The following EFTUD2 variants were observed in gnomAD, a reference collection of about 807,000 sequenced individuals.
The protein encoded by EFTUD2 is 116 kDa U5 small nuclear ribonucleoprotein component.
In EFTUD2, 9 loss-of-function variants were observed where a neutral mutation model predicts 114.3. The ratio of observed to expected loss-of-function variants is 0.08; its 90% confidence interval spans 0.05 to 0.14. The LOEUF is 0.14. EFTUD2 is among the 10% of genes least tolerant of loss of function. The pLI, the probability that EFTUD2 is intolerant of heterozygous loss-of-function variation, is 1.00. For synonymous variants in EFTUD2, 449 were observed against 462.3 expected, an observed-to-expected ratio of 0.97 and a Z score of 0.37; for missense variants, 765 against 1,241.2, an observed-to-expected ratio of 0.62 and a Z score of 5.76.
intron 16 of EFTUD2, among the ~76,000 whole-genome samples, chr17:44,861,576 C>A (rs1597796757): frequency 6.6e-6 from 1 of 151,134 alleles, no homozygotes; most frequent in South Asian, 2.1e-4. Context: ...ACTAAAAATA[C>A]AAAAAAATTA....
In EFTUD2 at chr17:44,854,141, T is replaced by C; in HGVS notation, c.2347+128A>G. 1 of 1,403,308 alleles carries C rather than the reference T, an allele frequency of 7.1e-7. No homozygotes were observed. The highest frequency in any genetic ancestry group is 9.5e-7 in the Non-Finnish European group (1 of 1,048,338). 86.9% of individuals were successfully genotyped at this position (1,403,308 alleles called of 1,614,324 possible). ...AAAAGGGAAGAAGCTGGCCCAGGAC[T>C]TGGGATGGTCCTGTGTACCCCAAGC... On this transcript the variant is annotated intron_variant, in intron 23 of 27. Coordinates refer to ENST00000426333, the MANE Select transcript of EFTUD2 (RefSeq NM_004247.4). This position sits in a 1 kb window ranked among gnomAD's most constrained non-coding sequence, Gnocchi z 4.3.
intron 20 of EFTUD2, among the ~76,000 whole-genome samples, chr17:44,856,832 G>T (rs977355911): frequency 6.6e-6 from 1 of 151,906 alleles, no homozygotes. Flanking sequence ...ATTTTATAGA[G>T]ACAAAGTGGC....
At chr17:44,890,548 C>T (rs950762350) in intron 2 of EFTUD2, among the ~76,000 whole-genome samples, 4 of 151,782 alleles carry the variant, frequency 2.6e-5, no homozygotes, top group East Asian at 3.9e-4. Flanking sequence ...CAAAACTAGC[C>T]GGGCGTGGAC....
chr17:44,872,873 G>A (rs1453051834), intron 10 of EFTUD2: 1 of 171,038 alleles, frequency 5.8e-6, no homozygotes, highest in East Asian at 1.7e-4. Context: ...TAGAACACAG[G>A]AAATGAATCT....
chr17:44,895,118 C>T (rs2051354186), intron 1 of EFTUD2, among the ~76,000 whole-genome samples: 1 of 148,942 alleles, frequency 6.7e-6, no homozygotes, highest in Non-Finnish European at 1.5e-5. Context: ...TTGTAAATTG[C>T]CAGGGAAAAA....
At chr17:44,859,274 C>A in intron 18 of EFTUD2, 93 bp from the exon 19 acceptor site, 1 of 866,586 alleles carries the variant, frequency 1.2e-6, no homozygotes. Context: ...AAGAAGTTGC[C>A]TATCAGAAAC....
In EFTUD2 at chr17:44,854,860, A is replaced by G; in HGVS notation, c.2132+58T>C. 1 of 1,583,448 alleles carries G rather than the reference A, an allele frequency of 6.3e-7. No homozygotes were observed. On this transcript the variant is annotated intron_variant, in intron 21 of 27. Transcript: ENST00000426333. This position sits in a 1 kb window ranked among gnomAD's most constrained non-coding sequence, Gnocchi z 4.3. ...AGATGTGTGCTCTTAGAGACCCGGC[A>G]GTTAAACTGTGGCATCCCTGCCTCC...
intron 9 of EFTUD2, among the ~76,000 whole-genome samples, chr17:44,876,817 CA>C (rs2050960362): frequency 7.1e-6 from 1 of 140,562 alleles, no homozygotes; most frequent in South Asian, 2.3e-4. Flanking sequence ...CGCACCACTG[CA>C]CTCCAGCCTG....
At chr17:44,884,414 G>A (rs2051127569) in intron 4 of EFTUD2, 1 of 152,182 alleles carries the variant, frequency 6.6e-6, no homozygotes, top group Non-Finnish European at 1.5e-5. Context: ...AGCTACTCAG[G>A]AGGCTGAGGC....
rs1014993537 is a variant in EFTUD2 at position 44,854,857 on chromosome 17, G to A, written c.2132+61C>T. 13 of 1,579,932 alleles carry A rather than the reference G, an allele frequency of 8.2e-6. No individual in the cohort carries two copies. Among genetic ancestry groups the A allele is most frequent in the South Asian group, 7.8e-5 (7 of 90,304 alleles). ...GAAAGATGTGTGCTCTTAGAGACCC[G>A]GCAGTTAAACTGTGGCATCCCTGCC... On this transcript the variant is annotated intron_variant, in intron 21 of 27. Transcript: ENST00000426333. This position sits in a 1 kb window ranked among gnomAD's most constrained non-coding sequence, Gnocchi z 4.3.
intron 26 of EFTUD2, 61 bp from the exon 27 acceptor site, chr17:44,851,878 A>G (rs2050458991): frequency 1.5e-6 from 2 of 1,377,752 alleles, no homozygotes; most frequent in African/African-American, 2.9e-5. Flanking sequence ...CAGGCCCAGA[A>G]GCAGGACTCT....
At chr17:44,892,701 G>A (rs544863955) in intron 2 of EFTUD2, among the ~76,000 whole-genome samples, 123 of 135,566 alleles carry the variant, frequency 9.1e-4, no homozygotes, top group African/African-American at 3.3e-3. Context: ...GCAGTGGCTC[G>A]ATCTCAGCTC....
rs1368378508 is a variant in EFTUD2, at chr17:44,850,369, G to A, written c.*905C>T. ...CAATGTACAGCGATTACGTCAAGAG[G>A]ATGGCACAGGATGCTGGAGAGAAGT... On this transcript the variant is annotated 3_prime_UTR_variant, in exon 28 of 28. Coordinates refer to ENST00000426333, the MANE Select transcript of EFTUD2 (RefSeq NM_004247.4). 6.2e-7 allele frequency: 1 copy of A among 1,613,214 alleles called. No individual in the cohort carries two copies. Among genetic ancestry groups the A allele is most frequent in the African/African-American group, 1.3e-5 (1 of 74,938 alleles).
chr17:44,897,030 C>T (rs1453914785), intron 1 of EFTUD2, among the ~76,000 whole-genome samples: 2 of 152,022 alleles, frequency 1.3e-5, no homozygotes, highest in Non-Finnish European at 2.9e-5. Flanking sequence ...TCCTGGCTAA[C>T]ACGGTGAAAC....
chr17:44,865,233 G>T, intron 13 of EFTUD2, 168 bp from the exon 14 acceptor site: 1 of 912,822 alleles, frequency 1.1e-6, no homozygotes, highest in Non-Finnish European at 1.6e-6. Context: ...CGGCATCTCT[G>T]CTACCTACCC....
At chr17:44,861,456 G>C (rs1251740267) in intron 16 of EFTUD2, among the ~76,000 whole-genome samples, 1 of 150,644 alleles carries the variant, frequency 6.6e-6, no homozygotes, top group Non-Finnish European at 1.5e-5. Context: ...AAAAAAGGCT[G>C]GGAGCGGTGG....
Position 44,850,538 on chromosome 17 carries a change from G to C in EFTUD2, c.*736C>G. 1.6e-6 allele frequency: 1 copy of C among 607,790 alleles called. No homozygotes were observed. Among genetic ancestry groups the C allele is most frequent in the Non-Finnish European group, 2.9e-6 (1 of 340,498 alleles). 37.6% of individuals were successfully genotyped at this position (607,790 alleles called of 1,614,324 possible). On this transcript the variant is annotated 3_prime_UTR_variant, in exon 28 of 28. Coordinates refer to ENST00000426333, the MANE Select transcript of EFTUD2 (RefSeq NM_004247.4). ...AGGGACTGGTGGTAGCTGGGGAGAG[G>C]ACTTGGAGTAAATGGCTGGAAATCA...
chr17:44,886,646 C>T lies in EFTUD2; in HGVS notation c.210G>A (p.Glu70=). 3 of 1,614,192 alleles carry T rather than the reference C, an allele frequency of 1.9e-6. No individual in the cohort carries two copies. Among genetic ancestry groups the T allele is most frequent in the Admixed American group, 1.7e-5 (1 of 60,026 alleles). The change falls in exon 3 of 28, where the codon GAG becomes GAA. Residue 70 remains glutamate (E), a synonymous_variant. Transcript: ENST00000426333. ...HEDKKYYPTA[E]EVYGPEVETI... The stretch of plus-strand genomic sequence containing the variant: ...TCTCCACCTCAGGACCATACACCTC[C>T]TCGGCTGTTGGGTAGTACTTCTTGT...
At chr17:44,880,740 C>T in intron 7 of EFTUD2, 96 bp from the exon 8 acceptor site, 1 of 886,214 alleles carries the variant, frequency 1.1e-6, no homozygotes, top group Non-Finnish European at 1.8e-6. Flanking sequence ...TACACTGATG[C>T]CTCTCCTTAT....
Sources: gnomAD v4.1 joint callset for allele counts (sites outside exome capture counted in the v4.1 genomes callset) on GRCh38, gnomAD v4.1.1 for gene constraint, Gnocchi (gnomAD v3.1) non-coding constraint, MANE v1.5 for transcripts, NCBI Gene and HGNC (gene_info 2026-07-23, HGNC 2026-07-21) for gene names.